Variants in DYM observed in about 807,000 individuals in gnomAD.
DYM encodes the protein dymeclin.
Under a neutral mutation model 93.1 loss-of-function variants are expected in DYM, and 78 were observed. The ratio of observed to expected loss-of-function variants is 0.84; its 90% confidence interval spans 0.70 to 1.01. The LOEUF is 1.01. Among genes scored for constraint, DYM ranks in the 50% least tolerant of loss-of-function variants. DYM has a pLI of 0.00. For synonymous variants in DYM, 321 were observed against 319.7 expected (o/e 1.00, Z -0.04); for missense variants, 789 against 845.0 (o/e 0.93, Z 0.82).
chr18:49,053,561 C>G (rs1261849036), intron 17 of DYM, among the ~76,000 whole-genome samples: 2 of 152,092 alleles, frequency 1.3e-5, no homozygotes, highest in African/African-American at 4.8e-5. Context: ...TGGCAGATGG[C>G]GCAGGTCGGG....
At chr18:49,203,366 A>G (rs1212162693) in intron 14 of DYM, among the ~76,000 whole-genome samples, 29 of 127,072 alleles carry the variant, frequency 2.3e-4, no homozygotes, top group Middle Eastern at 8.2e-3. Context: ...CCAACAGCTC[A>G]TTGAGAACGG....
intron 13 of DYM, among the ~76,000 whole-genome samples, chr18:49,255,233 A>G (rs772772014): frequency 5.5e-4 from 83 of 152,206 alleles, no homozygotes; most frequent in Non-Finnish European, 5.4e-4. Context: ...ATCACCACCA[A>G]TGACTGCTAA....
At chr18:49,252,763 TGA>T (rs1255759548) in intron 13 of DYM, among the ~76,000 whole-genome samples, 3 of 152,124 alleles carry the variant, frequency 2.0e-5, no homozygotes, top group Admixed American at 6.5e-5. Flanking sequence ...TGGAGGGACA[TGA>T]GAGACAATAA....
At chr18:49,182,405 A>G (rs1382027835) in intron 14 of DYM, among the ~76,000 whole-genome samples, 1 of 152,216 alleles carries the variant, frequency 6.6e-6, no homozygotes, top group Admixed American at 6.5e-5. Flanking sequence ...AGCTCCAACT[A>G]TAACTGTAAT....
At chr18:49,106,166 C>A (rs1381353052) in intron 16 of DYM, among the ~76,000 whole-genome samples, 1 of 152,146 alleles carries the variant, frequency 6.6e-6, no homozygotes, top group Non-Finnish European at 1.5e-5. Context: ...TATGTAATGG[C>A]CTTCTTTCTC....
chr18:49,445,267 C>A (rs1358791647), intron 1 of DYM, among the ~76,000 whole-genome samples: 1 of 152,114 alleles, frequency 6.6e-6, no homozygotes, highest in Non-Finnish European at 1.5e-5. Context: ...TCCTAACCTA[C>A]ATGAATAAAC....
At chr18:49,384,640 GAA>G (rs952106756) in intron 3 of DYM, among the ~76,000 whole-genome samples, 1 of 120,172 alleles carries the variant, frequency 8.3e-6, no homozygotes, top group African/African-American at 3.1e-5. Flanking sequence ...AAAAAAAAAA[GAA>G]GAGAGCAGCC....
intron 11 of DYM, among the ~76,000 whole-genome samples, chr18:49,266,049 A>G (rs1310682552): frequency 1.3e-5 from 2 of 152,020 alleles, no homozygotes; most frequent in Non-Finnish European, 1.5e-5. Context: ...AATCCCAGCT[A>G]CTTGGGAGGC....
chr18:49,067,132 T>A (rs2076458996), intron 17 of DYM, among the ~76,000 whole-genome samples: 1 of 152,120 alleles, frequency 6.6e-6, no homozygotes, highest in Admixed American at 6.6e-5. Context: ...GTGAGTGTTA[T>A]GGAGGTTCAG....
intron 5 of DYM, among the ~76,000 whole-genome samples, chr18:49,366,976 A>G (rs558262263): frequency 3.1e-4 from 47 of 152,290 alleles, no homozygotes; most frequent in African/African-American, 1.0e-3. Context: ...AAAGGAAAAT[A>G]TCCTTTAAAT....
chr18:49,314,998 T>G (rs2061834514), intron 8 of DYM, among the ~76,000 whole-genome samples: 1 of 152,160 alleles, frequency 6.6e-6, no homozygotes, highest in African/African-American at 2.4e-5. Flanking sequence ...GTGGATGGCT[T>G]GAGCTCAGGA....
At chr18:49,438,470 A>T (rs1363659646) in intron 1 of DYM, among the ~76,000 whole-genome samples, 1 of 152,220 alleles carries the variant, frequency 6.6e-6, no homozygotes, top group Non-Finnish European at 1.5e-5. Flanking sequence ...AAACAGCTGG[A>T]GATGGGCTAA....
chr18:49,426,232 T>C (rs1387343351), intron 2 of DYM, among the ~76,000 whole-genome samples: 2 of 152,014 alleles, frequency 1.3e-5, no homozygotes, highest in African/African-American at 4.8e-5. Context: ...GAGGATGAGT[T>C]CACGTCCTCT....
chr18:49,249,428 G>T (rs2144917519), intron 13 of DYM, among the ~76,000 whole-genome samples: 1 of 152,176 alleles, frequency 6.6e-6, no homozygotes, highest in Non-Finnish European at 1.5e-5. Context: ...AGGTCAATTT[G>T]CTTATTAATA....
chr18:49,195,916 CTTTTTTT>C (rs540189318), intron 14 of DYM, among the ~76,000 whole-genome samples: 48 of 84,038 alleles, frequency 5.7e-4, no homozygotes, highest in Admixed American at 1.1e-3. Flanking sequence ...ATGCTACCAT[CTTTTTTT>C]TTTTTTTTTT....
chr18:49,398,409 C>G (rs2070386148), intron 2 of DYM, among the ~76,000 whole-genome samples: 1 of 152,162 alleles, frequency 6.6e-6, no homozygotes, highest in African/African-American at 2.4e-5. Context: ...GGATAGACAT[C>G]TAACCCAAGC....
chr18:49,103,193 T>G, intron 16 of DYM, among the ~76,000 whole-genome samples: 1 of 152,254 alleles, frequency 6.6e-6, no homozygotes, highest in Non-Finnish European at 1.5e-5. Context: ...TTCATGTGTC[T>G]TTTGGCTGCA....
rs774334307 is a variant in DYM at position 49,420,032 on chromosome 18, G to A, written c.140+10223C>T. Among the ~76,000 whole-genome samples the A allele has an allele frequency of 1.0e-3, 158 of 152,228 alleles. 1 individual carries two copies. The highest frequency in any genetic ancestry group is 3.4e-3 in the Middle Eastern group (1 of 294). Reference sequence around the variant, plus strand: ...TTGTTGATGCTATAGCTCATCCCCAGTATGACCTTTCTCACCAATCCACAG... The same window carrying A: ...TTGTTGATGCTATAGCTCATCCCCAATATGACCTTTCTCACCAATCCACAG... On this transcript the variant is annotated intron_variant, in intron 2 of 17. Transcript: ENST00000675505.
chr18:49,046,416 TACAC>T (rs1043851724), intron 17 of DYM, among the ~76,000 whole-genome samples: 4 of 129,292 alleles, frequency 3.1e-5, no homozygotes, highest in African/African-American at 1.2e-4. Flanking sequence ...ACAAGACACA[TACAC>T]ACACAATACA....
Sources: gnomAD v4.1 joint callset for allele counts (sites outside exome capture counted in the v4.1 genomes callset) on GRCh38, gnomAD v4.1.1 for gene constraint, MANE v1.5 for transcripts, NCBI Gene and HGNC (gene_info 2026-07-23, HGNC 2026-07-21) for gene names.